The following CDH12 variants were observed in gnomAD, a reference collection of about 807,000 sequenced individuals.
CDH12 encodes the protein cadherin 12.
A neutral mutation model predicts 74.1 loss-of-function variants in CDH12; 41 were observed. The observed-to-expected ratio is 0.55, with a 90% CI of 0.43 to 0.72. The LOEUF (loss-of-function observed/expected upper bound fraction) is 0.72. Ranked by LOEUF, CDH12 falls within the 30% of genes least tolerant of loss-of-function variation. The probability of loss-of-function intolerance (pLI) is 0.00; values close to 1 mark genes in which losing one functional copy is unlikely to be tolerated. For missense variants in CDH12, 945 were observed against 977.2 expected (o/e 0.97, Z 0.44); for synonymous variants, 399 against 355.0 (o/e 1.12, Z -1.39).
At chr5:22,176,725 C>G (rs949945847) in intron 4 of CDH12, among the ~76,000 whole-genome samples, 2 of 152,122 alleles carry the variant, frequency 1.3e-5, no homozygotes, top group African/African-American at 4.8e-5. Context: ...AGATCTCTTC[C>G]ACAGGGGAGT....
intron 6 of CDH12, among the ~76,000 whole-genome samples, chr5:21,928,441 A>G (rs865905665): frequency 9.8e-5 from 15 of 152,328 alleles, no homozygotes; most frequent in Middle Eastern, 3.4e-3. Flanking sequence ...CAAGAAGATG[A>G]ATGAGAGAGC....
intron 3 of CDH12, among the ~76,000 whole-genome samples, chr5:22,397,013 CAG>C (rs1742489020): frequency 1.3e-5 from 2 of 151,982 alleles, no homozygotes; most frequent in African/African-American, 4.8e-5. Flanking sequence ...TTTGGTGTAT[CAG>C]AGTCTGCTGG....
At chr5:22,796,294 T>A (rs576852300) in intron 1 of CDH12, among the ~76,000 whole-genome samples, 3 of 152,272 alleles carry the variant, frequency 2.0e-5, no homozygotes, top group African/African-American at 4.8e-5. Context: ...GCTTTACTAA[T>A]TTACATTCCC....
intron 6 of CDH12, among the ~76,000 whole-genome samples, chr5:21,858,742 C>T (rs542639683): frequency 9.9e-5 from 15 of 151,930 alleles, no homozygotes; most frequent in South Asian, 6.2e-4. Flanking sequence ...GAAACAGATT[C>T]GAGGTGAGAG....
intron 1 of CDH12, among the ~76,000 whole-genome samples, chr5:22,809,041 T>A (rs1458718586): frequency 6.6e-6 from 1 of 151,550 alleles, no homozygotes; most frequent in Non-Finnish European, 1.5e-5. Context: ...AGACCAGAAA[T>A]GCCTAAACAA....
At chr5:22,812,622 T>TA (rs890568993) in intron 1 of CDH12, among the ~76,000 whole-genome samples, 2 of 152,122 alleles carry the variant, frequency 1.3e-5, no homozygotes, top group African/African-American at 4.8e-5. Context: ...ATTCTCCAAC[T>TA]AAAACCTCAT....
chr5:22,244,800 GAAAA>G (rs761344442), intron 3 of CDH12, among the ~76,000 whole-genome samples: 23 of 76,994 alleles, frequency 3.0e-4, no homozygotes, highest in African/African-American at 6.0e-4. Context: ...AAGAAAGAAA[GAAAA>G]ATTCAAAGTA....
rs80217292 is a variant in CDH12, at chr5:21,804,613, A to G, written c.1003-2193T>C. ...AGATTAGAAAAAAGAGAAAACCTCT[A>G]ATAAATAAAATCATTCTATAGTGAA... is the stretch of plus-strand genomic sequence containing the variant. On this transcript the variant is annotated intron_variant, in intron 9 of 14. Coordinates refer to ENST00000382254, the MANE Select transcript of CDH12 (RefSeq NM_004061.5). 1.7e-4 allele frequency among the ~76,000 whole-genome samples: 25 copies of G among 150,822 alleles called. 1 individual carries two copies. The highest frequency in any genetic ancestry group is 5.6e-4 in the African/African-American group (23 of 41,026).
At chr5:22,395,686 G>T (rs1436368912) in intron 3 of CDH12, among the ~76,000 whole-genome samples, 1 of 152,038 alleles carries the variant, frequency 6.6e-6, no homozygotes, top group Non-Finnish European at 1.5e-5. Context: ...TGATATTTGG[G>T]TCTGAAGACT....
chr5:22,175,137 C>T (rs1401158213), intron 4 of CDH12, among the ~76,000 whole-genome samples: 1 of 151,952 alleles, frequency 6.6e-6, no homozygotes, highest in African/African-American at 2.4e-5. Context: ...TAAAGAAATG[C>T]TTTTACTTTG....
intron 3 of CDH12, among the ~76,000 whole-genome samples, chr5:22,243,542 C>G (rs1032103155): frequency 1.3e-5 from 2 of 151,970 alleles, no homozygotes; most frequent in Non-Finnish European, 2.9e-5. Flanking sequence ...AAAAGGTATG[C>G]GGAAACTTGA....
intron 3 of CDH12, among the ~76,000 whole-genome samples, chr5:22,328,603 T>C (rs1739220536): frequency 6.6e-6 from 1 of 152,174 alleles, no homozygotes; most frequent in Non-Finnish European, 1.5e-5. Flanking sequence ...AGTGGTTGAA[T>C]AGCATAGAAG....
chr5:22,617,598 C>T (rs554165865), intron 1 of CDH12, among the ~76,000 whole-genome samples: 2 of 152,214 alleles, frequency 1.3e-5, no homozygotes, highest in African/African-American at 2.4e-5. Flanking sequence ...ATTTCTCAAT[C>T]CTGTTAAACA....
chr5:22,390,595 T>C (rs564044387), intron 3 of CDH12, among the ~76,000 whole-genome samples: 27 of 151,926 alleles, frequency 1.8e-4, no homozygotes, highest in African/African-American at 5.8e-4. Context: ...GATAGATAGA[T>C]AGATAGATAG....
chr5:22,337,052 A>C (rs1739616611), intron 3 of CDH12, among the ~76,000 whole-genome samples: 1 of 152,204 alleles, frequency 6.6e-6, no homozygotes, highest in African/African-American at 2.4e-5. Flanking sequence ...TGGGAGACAC[A>C]GAGTCAAAGG....
chr5:21,858,565 C>T (rs947551979), intron 6 of CDH12, among the ~76,000 whole-genome samples: 5 of 151,914 alleles, frequency 3.3e-5, no homozygotes, highest in African/African-American at 1.2e-4. Flanking sequence ...TACATTTACA[C>T]AGACACAAAT....
At chr5:22,298,305 T>C (rs1345129938) in intron 3 of CDH12, among the ~76,000 whole-genome samples, 1 of 151,836 alleles carries the variant, frequency 6.6e-6, no homozygotes, top group Non-Finnish European at 1.5e-5. Flanking sequence ...TATGAGTGTG[T>C]ATGTATATAT....
chr5:22,690,621 A>G (rs912810693), intron 1 of CDH12, among the ~76,000 whole-genome samples: 1 of 152,144 alleles, frequency 6.6e-6, no homozygotes, highest in African/African-American at 2.4e-5. Flanking sequence ...AAGATAAATG[A>G]GCTGAAAAAT....
At chr5:22,326,555 C>T (rs556178869) in intron 3 of CDH12, among the ~76,000 whole-genome samples, 18 of 152,282 alleles carry the variant, frequency 1.2e-4, no homozygotes, top group African/African-American at 4.1e-4. Flanking sequence ...CTTTACATCT[C>T]ATGAAACTAC....
Sources: allele counts gnomAD v4.1 joint callset (sites outside exome capture counted in the v4.1 genomes callset), GRCh38; gene constraint gnomAD v4.1.1; transcripts MANE v1.5; gene names NCBI Gene and HGNC (gene_info 2026-07-23, HGNC 2026-07-21).